CTNNA3: variants seen among roughly 807,000 people sequenced by gnomAD.
CTNNA3 encodes catenin alpha 3, also known as catenin alpha-3.
In CTNNA3, 76 loss-of-function variants were observed where a neutral mutation model predicts 95.7. That is an observed-to-expected ratio of 0.79 (90% confidence interval 0.66 to 0.96). The LOEUF (loss-of-function observed/expected upper bound fraction) is 0.96. Ranked by LOEUF, CTNNA3 falls within the 40% of genes least tolerant of loss-of-function variation. The pLI, the probability that CTNNA3 is intolerant of heterozygous loss-of-function variation, is 0.00. For missense variants in CTNNA3, 1,191 were observed against 1,089.8 expected (o/e 1.09, Z -1.31); for synonymous variants, 431 against 374.4 (o/e 1.15, Z -1.74).
intron 7 of CTNNA3, among the ~76,000 whole-genome samples, chr10:66,971,360 A>C (rs950861799): frequency 6.6e-6 from 1 of 152,108 alleles, no homozygotes; most frequent in African/African-American, 2.4e-5. Flanking sequence ...CGGGAGGCGG[A>C]GGTTGCAGTG....
chr10:67,460,045 T>G (rs1300632327), intron 5 of CTNNA3, among the ~76,000 whole-genome samples: 1 of 152,022 alleles, frequency 6.6e-6, no homozygotes, highest in Non-Finnish European at 1.5e-5. Context: ...TACCCAATAA[T>G]AAGATTAAAG....
At chr10:67,521,023 A>G (rs1839966997) in intron 5 of CTNNA3, among the ~76,000 whole-genome samples, 1 of 152,202 alleles carries the variant, frequency 6.6e-6, no homozygotes, top group Non-Finnish European at 1.5e-5. Flanking sequence ...TCCATCATGG[A>G]GCACATTACC....
At chr10:66,744,542 T>C (rs1589202484) in intron 9 of CTNNA3, among the ~76,000 whole-genome samples, 2 of 152,168 alleles carry the variant, frequency 1.3e-5, no homozygotes, top group African/African-American at 4.8e-5. Flanking sequence ...CAGTGCTCCA[T>C]ATCACCTATT....
chr10:66,871,449 C>G (rs1178446222), intron 7 of CTNNA3, among the ~76,000 whole-genome samples: 1 of 151,368 alleles, frequency 6.6e-6, no homozygotes, highest in Non-Finnish European at 1.5e-5. Context: ...GTAATCCCAG[C>G]TACTCGGGAG....
intron 9 of CTNNA3, among the ~76,000 whole-genome samples, chr10:66,705,053 G>T (rs1848072607): frequency 6.6e-6 from 1 of 152,020 alleles, no homozygotes; most frequent in African/African-American, 2.4e-5. Flanking sequence ...TTATCAAGTT[G>T]AAGAAGTTTC....
intron 9 of CTNNA3, among the ~76,000 whole-genome samples, chr10:66,718,562 CAT>C (rs1477217200): frequency 2.0e-5 from 3 of 151,294 alleles, no homozygotes; most frequent in Non-Finnish European, 2.9e-5. Context: ...TGCAGCAATA[CAT>C]GTTTGTATAT....
At chr10:66,410,960 A>G (rs2093099778) in intron 11 of CTNNA3, among the ~76,000 whole-genome samples, 2 of 152,226 alleles carry the variant, frequency 1.3e-5, no homozygotes, top group Admixed American at 6.5e-5. Flanking sequence ...AGATCTAAAG[A>G]GTGAAGTGAA....
At chr10:67,698,648 G>A, upstream of CTNNA3, among the ~76,000 whole-genome samples, 1 of 152,056 alleles carries the variant, frequency 6.6e-6, no homozygotes, top group Admixed American at 6.5e-5. Context: ...TCAGGTTCGG[G>A]CTTTAAAAAT....
chr10:67,725,257 A>C (rs1208577279), intron 1 of CTNNA3, among the ~76,000 whole-genome samples: 1 of 151,752 alleles, frequency 6.6e-6, no homozygotes, highest in Non-Finnish European at 1.5e-5. Context: ...GCTCACTGCA[A>C]GCTCCATCTC....
At chr10:67,062,315 A>C (rs1203770120) in intron 7 of CTNNA3, among the ~76,000 whole-genome samples, 1 of 152,190 alleles carries the variant, frequency 6.6e-6, no homozygotes, top group African/African-American at 2.4e-5. Flanking sequence ...ATCACTTACT[A>C]AAAATGTCTT....
At chr10:66,493,479 T>C (rs2131942064) in intron 11 of CTNNA3, among the ~76,000 whole-genome samples, 1 of 152,272 alleles carries the variant, frequency 6.6e-6, no homozygotes, top group African/African-American at 2.4e-5. Context: ...AAGCGGTAAT[T>C]TAAGTCTCCC....
At chr10:66,312,460 G>A (rs1009588972) in intron 12 of CTNNA3, among the ~76,000 whole-genome samples, 2 of 151,882 alleles carry the variant, frequency 1.3e-5, no homozygotes, top group East Asian at 3.9e-4. Flanking sequence ...TTGTGTGTGT[G>A]TATAAATACA....
intron 10 of CTNNA3, among the ~76,000 whole-genome samples, chr10:66,544,404 A>T (rs1489405783): frequency 6.6e-6 from 1 of 152,104 alleles, no homozygotes; most frequent in Non-Finnish European, 1.5e-5. Flanking sequence ...AGCAAACTTT[A>T]AGTTGCTGAG....
intron 3 of CTNNA3, among the ~76,000 whole-genome samples, chr10:67,556,485 G>A (rs1478567566): frequency 1.3e-5 from 2 of 152,090 alleles, no homozygotes; most frequent in African/African-American, 2.4e-5. Context: ...AGTCTTGGGA[G>A]GGTGTATATG....
chr10:65,934,482 C>T (rs2077305523), intron 17 of CTNNA3, among the ~76,000 whole-genome samples: 1 of 152,144 alleles, frequency 6.6e-6, no homozygotes, highest in Non-Finnish European at 1.5e-5. Context: ...TGCTGTTGCT[C>T]ATCTACAACT....
chr10:66,009,434 CTT>C, intron 15 of CTNNA3, among the ~76,000 whole-genome samples: 1 of 152,302 alleles, frequency 6.6e-6, no homozygotes, highest in African/African-American at 2.4e-5. Flanking sequence ...ATAAAGCTCT[CTT>C]GTCTGGGATA....
intron 5 of CTNNA3, among the ~76,000 whole-genome samples, chr10:67,445,933 T>C (rs1260873126): frequency 2.0e-5 from 3 of 152,184 alleles, no homozygotes; most frequent in Admixed American, 6.5e-5. Flanking sequence ...TTTGTCCTAG[T>C]GTCTGGTACA....
chr10:67,763,276 A>T (rs892351906), intron 1 of CTNNA3, among the ~76,000 whole-genome samples: 23 of 147,918 alleles, frequency 1.6e-4, no homozygotes, highest in African/African-American at 5.0e-5. Flanking sequence ...CAAAATTTAA[A>T]AAAAAAAAAA....
intron 5 of CTNNA3, among the ~76,000 whole-genome samples, chr10:67,479,192 C>T (rs937715146): frequency 7.9e-5 from 12 of 152,100 alleles, no homozygotes; most frequent in Non-Finnish European, 1.5e-4. Flanking sequence ...AGGCAGATCA[C>T]TGAGGCACCA....
Sources: allele counts gnomAD v4.1 joint callset (sites outside exome capture counted in the v4.1 genomes callset), GRCh38; gene constraint gnomAD v4.1.1; transcripts MANE v1.5; gene names NCBI Gene and HGNC (gene_info 2026-07-23, HGNC 2026-07-21).